POLQ: variants seen among roughly 807,000 people sequenced by gnomAD.
POLQ encodes the protein epididymis secretory sperm binding protein.
Under a neutral mutation model 259.2 loss-of-function variants are expected in POLQ, and 233 were observed. The ratio of observed to expected loss-of-function variants is 0.90; its 90% CI spans 0.81 to 1.00. The LOEUF (loss-of-function observed/expected upper bound fraction) is 1.00, where lower values mean the gene tolerates loss of function less well. Ranked by LOEUF, POLQ falls within the 50% of genes least tolerant of loss-of-function variation. The pLI is 0.00. For missense variants in POLQ, 2,871 were observed against 3,051.6 expected, an observed-to-expected ratio of 0.94 and a Z score of 1.39; for synonymous variants, 1,025 against 1,048.8, an observed-to-expected ratio of 0.98 and a Z score of 0.44.
At chr3:121,463,547 T>A (rs535281767) in intron 24 of POLQ, among the ~76,000 whole-genome samples, 1 of 152,130 alleles carries the variant, frequency 6.6e-6, no homozygotes, top group Non-Finnish European at 1.5e-5. Context: ...GGATAAATTG[T>A]CCCATAACAG....
intron 5 of POLQ, among the ~76,000 whole-genome samples, chr3:121,535,870 C>T (rs1190591232): frequency 4.6e-5 from 7 of 151,942 alleles, no homozygotes; most frequent in Non-Finnish European, 8.8e-5. Flanking sequence ...GACATATGGT[C>T]AAAAAATTGG....
At chr3:121,492,725 TC>T (rs1478742869) in intron 15 of POLQ, among the ~76,000 whole-genome samples, 1 of 148,930 alleles carries the variant, frequency 6.7e-6, no homozygotes, top group African/African-American at 2.5e-5. Context: ...AGCCTCGACC[TC>T]CCGGGCTCAA....
intron 2 of POLQ, among the ~76,000 whole-genome samples, chr3:121,543,976 C>G (rs996120871): frequency 1.5e-4 from 22 of 149,748 alleles, no homozygotes; most frequent in African/African-American, 5.2e-4. Flanking sequence ...GAGCAAGACT[C>G]CATCTCAAAA....
At chr3:121,474,175 T>G (rs1209827559) in intron 20 of POLQ, among the ~76,000 whole-genome samples, 1 of 152,182 alleles carries the variant, frequency 6.6e-6, no homozygotes, top group East Asian at 1.9e-4. Flanking sequence ...TAGATCAACA[T>G]GGAAGCTTAC....
chr3:121,498,343 G>T (rs886191415), intron 13 of POLQ, 134 bp downstream of exon 13: 1 of 539,084 alleles, frequency 1.9e-6, no homozygotes, highest in Non-Finnish European at 3.2e-6. Context: ...TGAAAAAAAA[G>T]AAAACTGAAA....
intron 19 of POLQ, among the ~76,000 whole-genome samples, chr3:121,477,833 C>T (rs1284187316): frequency 6.6e-6 from 1 of 152,152 alleles, no homozygotes; most frequent in Non-Finnish European, 1.5e-5. Flanking sequence ...CATGAGAAAT[C>T]TCCAGGGACA....
chr3:121,445,567 C>A (rs1022649139), intron 26 of POLQ, among the ~76,000 whole-genome samples: 1 of 151,958 alleles, frequency 6.6e-6, no homozygotes, highest in Non-Finnish European at 1.5e-5. Context: ...TTTCAAAAAA[C>A]CAACTTATTT....
At position 121,545,956 on chromosome 3, in the gene POLQ, G is replaced by A; in HGVS notation, c.-79C>T. 1 of 1,501,498 alleles carries A rather than the reference G, an allele frequency of 6.7e-7. No homozygotes were observed. Among genetic ancestry groups the A allele is most frequent in the Non-Finnish European group, 9.1e-7 (1 of 1,100,200 alleles). The allele number at this position is 1,501,498 out of a possible 1,614,324, so 93.0% of individuals were successfully genotyped here. A position where few individuals can be genotyped will look rare whatever the true frequency, so the allele number is the denominator to read the frequency against. ...TCGGGAGAACCCTGGCCTGGCAACA[G>A]CTGCGGACATCTTCCCGCCAGTCTT... On this transcript the variant is annotated 5_prime_UTR_variant, in exon 1 of 30. Transcript: ENST00000264233.
In POLQ at chr3:121,520,219, A is replaced by C. The variant is rs143994719; in HGVS notation, c.1256-136T>G. ...CTATTGTTATGACTGTTGACAAAGG[A>C]GTCATCACAGTCTATCTCTTTAACA... On this transcript the variant is annotated intron_variant, in intron 8 of 29. Coordinates refer to ENST00000264233, the MANE Select transcript of POLQ (RefSeq NM_199420.4). 1.5e-4 allele frequency: 98 copies of C among 634,532 alleles called. No homozygotes were observed. The African/African-American group carries it at 1.6e-3, about 10-fold the overall frequency. 39.3% of individuals were successfully genotyped at this position (634,532 alleles called of 1,614,324 possible).
chr3:121,495,848 C>CAAA (rs34476932), intron 14 of POLQ, among the ~76,000 whole-genome samples: 47 of 27,982 alleles, frequency 1.7e-3, no homozygotes, highest in Non-Finnish European at 2.3e-3. Flanking sequence ...GACTCTGTCT[C>CAAA]AAAAAAAAAA....
chr3:121,523,661 G>C (rs918484326), intron 7 of POLQ, among the ~76,000 whole-genome samples: 1 of 152,108 alleles, frequency 6.6e-6, no homozygotes, highest in Non-Finnish European at 1.5e-5. Flanking sequence ...ATTACAGTGA[G>C]CTGAGATCAT....
chr3:121,521,920 G>T, intron 8 of POLQ, 83 bp downstream of exon 8: 1 of 1,004,656 alleles, frequency 1.0e-6, no homozygotes, highest in South Asian at 1.9e-5. Flanking sequence ...TGTTTAACAA[G>T]AAATAAATGT....
At chr3:121,468,258 A>G in intron 23 of POLQ, 47 bp downstream of exon 23, 1 of 1,497,700 alleles carries the variant, frequency 6.7e-7, no homozygotes, top group East Asian at 2.3e-5. Flanking sequence ...TGAGCCATTC[A>G]TACTTACAAA....
At chr3:121,485,251 A>G (rs1359198364) in intron 16 of POLQ, 67 bp from the exon 17 acceptor site, 1 of 1,104,376 alleles carries the variant, frequency 9.1e-7, no homozygotes, top group African/African-American at 1.6e-5. Context: ...AATTGTTAAA[A>G]CAATTATAAT....
chr3:121,485,224 A>C (rs1319891040), intron 16 of POLQ, 40 bp from the exon 17 acceptor site: 1 of 1,365,096 alleles, frequency 7.3e-7, no homozygotes, highest in African/African-American at 1.5e-5. Flanking sequence ...AATCTCTAAA[A>C]ATAAAGACAT....
At chr3:121,458,887 C>T (rs2047766656) in intron 25 of POLQ, among the ~76,000 whole-genome samples, 1 of 151,216 alleles carries the variant, frequency 6.6e-6, no homozygotes, top group Non-Finnish European at 1.5e-5. Context: ...CTCACCTCTC[C>T]ACACACACAC....
At position 121,537,033 on chromosome 3, in the gene POLQ, T is replaced by C. The variant is rs192781950; in HGVS notation, c.740+67A>G. 5.4e-5 allele frequency: 43 copies of C among 802,374 alleles called. 1 individual carries two copies. Among genetic ancestry groups the C allele is most frequent in the Middle Eastern group, 4.5e-4 (2 of 4,442 alleles). 49.7% of individuals were successfully genotyped at this position (802,374 alleles called of 1,614,324 possible). A position where few individuals can be genotyped will look rare whatever the true frequency, so the allele number is the denominator to read the frequency against. On this transcript the variant is annotated intron_variant, in intron 5 of 29. Coordinates refer to ENST00000264233, the MANE Select transcript of POLQ (RefSeq NM_199420.4). The stretch of plus-strand genomic sequence containing the variant: ...CCTTAATTTATTTAACTCATACTTA[T>C]GCATTTTTCAGACACTTCCTCAACA...
At chr3:121,495,848 C>CAAAAAAA (rs34476932) in intron 14 of POLQ, among the ~76,000 whole-genome samples, 1 of 28,120 alleles carries the variant, frequency 3.6e-5, no homozygotes. Context: ...GACTCTGTCT[C>CAAAAAAA]AAAAAAAAAA....
rs1560096890 is a variant in POLQ, at chr3:121,487,874, T to C, written c.5057A>G (p.Glu1686Gly). The C allele has an allele frequency of 1.2e-6, 2 of 1,610,460 alleles. No individual in the cohort carries two copies. The highest frequency in any genetic ancestry group is 1.3e-5 in the African/African-American group (1 of 74,692). ...NEEQEVISNLETKQVQGISFS... is the reference protein window; with the variant it reads ...NEEQEVISNLGTKQVQGISFS... The stretch of plus-strand genomic sequence containing the variant: ...TGAAATTCCCTGCACTTGTTTTGTC[T>C]CCAAGTTTGAAATAACTTCTTGTTC... Residue 1686 changes from glutamate (E) to glycine (G), a missense_variant, in exon 16 of 30, where the codon GAG (glutamate) becomes GGG (glycine). Around this residue, in one of 3 missense-constraint regions of POLQ, gnomAD observed 2,080 missense variants for 2,126.0 expected, o/e 0.98. Coordinates refer to ENST00000264233, the MANE Select transcript of POLQ (RefSeq NM_199420.4).
Sources: allele counts gnomAD v4.1 joint callset (sites outside exome capture counted in the v4.1 genomes callset), GRCh38; gene constraint gnomAD v4.1.1; regional missense constraint gnomAD v4.1.1; transcripts MANE v1.5; gene names NCBI Gene and HGNC (gene_info 2026-07-23, HGNC 2026-07-21).